GET1: variants seen among roughly 807,000 people sequenced by gnomAD.
GET1 encodes guided entry of tail-anchored proteins factor 1.
A neutral mutation model predicts 22.6 loss-of-function variants in GET1; 20 were observed. The observed-to-expected ratio is 0.89, with a 90% CI of 0.62 to 1.29. The LOEUF is 1.29. Among genes scored for constraint, GET1 ranks in the 50% most tolerant of loss-of-function variants. The pLI is 0.00. For missense variants in GET1, 209 were observed against 219.9 expected (o/e 0.95, Z 0.31); for synonymous variants, 92 against 83.8 (o/e 1.10, Z -0.53).
chr21:39,396,790 TGAGTTAAAG>T (rs1293566851), intron 4 of GET1, 67 bp from the exon 5 acceptor site: 25 of 1,315,174 alleles, frequency 1.9e-5, no homozygotes, highest in Non-Finnish European at 2.6e-5. Context: ...CTCTTTGCTG[TGAGTTAAAG>T]ACAGCAGAGA....
At chr21:39,388,947 C>G (rs941427047) in intron 1 of GET1, among the ~76,000 whole-genome samples, 24 of 152,142 alleles carry the variant, frequency 1.6e-4, no homozygotes, top group Admixed American at 2.6e-4. Context: ...GCCTGGGGAG[C>G]GTGCTTCTTT....
chr21:39,387,819 A>T, intron 1 of GET1: 1 of 984,672 alleles, frequency 1.0e-6, no homozygotes, highest in Non-Finnish European at 1.2e-6. Context: ...CTCTAAATGG[A>T]GAGTTGTCCC....
chr21:39,411,801 T>C, intron 1 of GET1: 1 of 1,570,762 alleles, frequency 6.4e-7, no homozygotes, highest in Non-Finnish European at 8.7e-7. Context: ...ACGATCCTTT[T>C]CCTAAAAAGA....
At chr21:39,401,434 AAATAC>A (rs1244573944), downstream of GET1, among the ~76,000 whole-genome samples, 1 of 152,220 alleles carries the variant, frequency 6.6e-6, no homozygotes, top group Non-Finnish European at 1.5e-5. Flanking sequence ...TAAAGAATAA[AAATAC>A]AATACAAATC....
downstream of GET1, chr21:39,406,700 C>T (rs116678860): frequency 3.4e-4 from 332 of 987,710 alleles, 1 homozygote; most frequent in African/African-American, 3.4e-3. Context: ...TTACGTGCAC[C>T]GCCTCACAAG....
downstream of GET1, among the ~76,000 whole-genome samples, chr21:39,400,434 ACTC>A (rs1601650850): frequency 1.3e-5 from 2 of 151,852 alleles, no homozygotes; most frequent in South Asian, 2.1e-4. Context: ...GCTTTTCTGT[ACTC>A]CTCCTGCATG....
At chr21:39,423,260 C>T (rs1350368697) in intron 1 of GET1, 3 of 1,610,000 alleles carry the variant, frequency 1.9e-6, no homozygotes, top group African/African-American at 1.3e-5. Context: ...TTTCCTATAG[C>T]TTTCAAATGC....
chr21:39,387,750 T>G (rs1601609291), intron 1 of GET1: 5 of 969,854 alleles, frequency 5.2e-6, no homozygotes, highest in Non-Finnish European at 6.1e-6. Flanking sequence ...ACTGGGCGGG[T>G]CAGAAACCAC....
At chr21:39,382,129 AC>A (rs1336984991) in intron 1 of GET1, among the ~76,000 whole-genome samples, 1 of 149,750 alleles carries the variant, frequency 6.7e-6, no homozygotes, top group East Asian at 2.0e-4. Flanking sequence ...ATCTTGGCTC[AC>A]TGCAGCCTCC....
intron 1 of GET1, among the ~76,000 whole-genome samples, chr21:39,384,527 G>A (rs1010395689): frequency 1.2e-4 from 18 of 150,884 alleles, no homozygotes; most frequent in Non-Finnish European, 2.7e-4. Flanking sequence ...CCCAAAGTGC[G>A]GAGATTACAG....
At chr21:39,386,075 C>CTT (rs2037878921) in intron 1 of GET1, 1 of 152,288 alleles carries the variant, frequency 6.6e-6, no homozygotes, top group Non-Finnish European at 1.5e-5. Context: ...ATGAAGGACT[C>CTT]TGCGTGTGTT....
At chr21:39,406,391 C>T (rs754015506) in exon 5 of GET1, 4 of 1,613,808 alleles carry the variant, frequency 2.5e-6, no homozygotes, top group Non-Finnish European at 3.4e-6. Flanking sequence ...GTGTCATCCA[C>T]ACCATTTCTC....
chr21:39,420,569 A>C, intron 1 of GET1: 4 of 402,708 alleles, frequency 9.9e-6, no homozygotes, highest in East Asian at 4.3e-5. Flanking sequence ...ATGGGGGCCC[A>C]GGCCCCCTAC....
intron 4 of GET1, among the ~76,000 whole-genome samples, chr21:39,395,752 G>C (rs1335736186): frequency 6.6e-6 from 1 of 152,072 alleles, no homozygotes. Flanking sequence ...GTTTGACACA[G>C]CTGGGCCTAG....
intron 1 of GET1, among the ~76,000 whole-genome samples, chr21:39,417,650 G>A (rs775419203): frequency 5.3e-5 from 8 of 152,224 alleles, no homozygotes; most frequent in Non-Finnish European, 1.0e-4. Flanking sequence ...CATGGCTGGG[G>A]AGGCCTCACA....
At chr21:39,381,325 C>T (rs2037543956) in intron 1 of GET1, among the ~76,000 whole-genome samples, 1 of 152,120 alleles carries the variant, frequency 6.6e-6, no homozygotes, top group South Asian at 2.1e-4. Context: ...TGGGCAAAGG[C>T]GGAGTCCTCA....
chr21:39,410,496 T>A (rs2039899621), downstream of GET1: 1 of 554,746 alleles, frequency 1.8e-6, no homozygotes, highest in African/African-American at 1.9e-5. Context: ...ATATTCAATA[T>A]ATATATAAGC....
chr21:39,386,707 C>G (rs1325659855), intron 1 of GET1, among the ~76,000 whole-genome samples: 2 of 152,174 alleles, frequency 1.3e-5, no homozygotes, highest in African/African-American at 2.4e-5. Flanking sequence ...CAGAGATTCA[C>G]TTTTGTTCTA....
intron 1 of GET1, chr21:39,387,696 C>A (rs925340375): frequency 8.0e-6 from 6 of 750,484 alleles, no homozygotes; most frequent in South Asian, 1.2e-4. Context: ...CACACTCCCC[C>A]CCCCCACTTT....
Sources: gnomAD v4.1 joint callset for allele counts (sites outside exome capture counted in the v4.1 genomes callset) on GRCh38, gnomAD v4.1.1 for gene constraint, MANE v1.5 for transcripts, NCBI Gene and HGNC (gene_info 2026-07-23, HGNC 2026-07-21) for gene names.